PRELID2: variants seen among roughly 807,000 people sequenced by gnomAD.
PRELID2 encodes PRELI domain containing 2.
In PRELID2, 25 loss-of-function variants were observed where a neutral mutation model predicts 28.4. The ratio of observed to expected loss-of-function variants is 0.88; its 90% CI spans 0.64 to 1.23. PRELID2 has a LOEUF of 1.23. Ranked by LOEUF, PRELID2 falls within the 50% of genes most tolerant of loss-of-function variation. The pLI is 0.00. For missense variants in PRELID2, 201 were observed against 214.4 expected (o/e 0.94, Z 0.39); for synonymous variants, 76 against 71.6 (o/e 1.06, Z -0.31).
chr5:145,760,671 C>T (rs1757431415), intron 6 of PRELID2, 146 bp from the exon 7 acceptor site: 1 of 152,180 alleles, frequency 6.6e-6, no homozygotes, highest in Admixed American at 6.5e-5. Flanking sequence ...TTTCTCCCTC[C>T]TAATGATCTT....
At chr5:145,559,012 TG>T (rs1238831560) in intron 1 of PRELID2, among the ~76,000 whole-genome samples, 5 of 152,158 alleles carry the variant, frequency 3.3e-5, no homozygotes, top group African/African-American at 1.2e-4. Context: ...CCCAGCATTT[TG>T]GGAGGCTGAG....
chr5:145,409,574 T>A, the PRELID2 span, among the ~76,000 whole-genome samples: 1 of 152,040 alleles, frequency 6.6e-6, no homozygotes, highest in African/African-American at 2.4e-5. Flanking sequence ...TAGTAGCTAT[T>A]CTTATATCAG....
chr5:145,458,200 G>A, the PRELID2 span, among the ~76,000 whole-genome samples: 1 of 152,120 alleles, frequency 6.6e-6, no homozygotes, highest in African/African-American at 2.4e-5. Context: ...CAGTGATAGG[G>A]TCAAACATTT....
intron 1 of PRELID2, among the ~76,000 whole-genome samples, chr5:145,741,231 A>C (rs1756716463): frequency 8.8e-6 from 1 of 113,314 alleles, no homozygotes; most frequent in Non-Finnish European, 1.6e-5. Flanking sequence ...TATATATAAT[A>C]TATAATATAA....
the PRELID2 span, among the ~76,000 whole-genome samples, chr5:145,321,262 T>G: frequency 6.6e-6 from 1 of 152,168 alleles, no homozygotes. Flanking sequence ...TTTACCAAAG[T>G]TACTAAGGAG....
At chr5:145,795,261 T>C (rs933361718) in intron 5 of PRELID2, 2 of 151,998 alleles carry the variant, frequency 1.3e-5, no homozygotes, top group Non-Finnish European at 2.9e-5. Flanking sequence ...GCAGAAAAAT[T>C]TGCAATAATG....
At chr5:145,665,793 T>C (rs1414758996) in intron 1 of PRELID2, among the ~76,000 whole-genome samples, 2 of 152,082 alleles carry the variant, frequency 1.3e-5, no homozygotes, top group Non-Finnish European at 2.9e-5. Flanking sequence ...ACTTGTGAAA[T>C]TCTATACATC....
At chr5:145,687,452 T>A (rs1018865759) in intron 1 of PRELID2, among the ~76,000 whole-genome samples, 2 of 152,192 alleles carry the variant, frequency 1.3e-5, no homozygotes, top group African/African-American at 4.8e-5. Flanking sequence ...GCCTAGGAAC[T>A]TATTCTTGAA....
intron 1 of PRELID2, among the ~76,000 whole-genome samples, chr5:145,552,175 C>T (rs1752841367): frequency 6.6e-6 from 1 of 152,130 alleles, no homozygotes; most frequent in Admixed American, 6.5e-5. Context: ...ACAACAGCCT[C>T]CGGATCACAC....
At chr5:145,476,592 C>A (rs769343604) in intron 1 of PRELID2, among the ~76,000 whole-genome samples, 3 of 151,928 alleles carry the variant, frequency 2.0e-5, no homozygotes, top group Non-Finnish European at 4.4e-5. Context: ...TTACAGTGAG[C>A]CGAGATTGCG....
the PRELID2 span, among the ~76,000 whole-genome samples, chr5:145,386,679 G>C: frequency 6.6e-6 from 1 of 152,000 alleles, no homozygotes; most frequent in Non-Finnish European, 1.5e-5. Flanking sequence ...GTCTTTTGTT[G>C]GCATTATTTG....
the PRELID2 span, among the ~76,000 whole-genome samples, chr5:145,386,677 T>A: frequency 6.6e-6 from 1 of 152,214 alleles, no homozygotes; most frequent in African/African-American, 2.4e-5. Flanking sequence ...CTGTCTTTTG[T>A]TGGCATTATT....
In PRELID2 at chr5:145,728,783, G is replaced by C. The variant is rs1296163604; in HGVS notation, n.70+36148C>G. 9 of 1,187,048 alleles carry C rather than the reference G, an allele frequency of 7.6e-6. No homozygotes were observed. In the South Asian group the frequency reaches 9.7e-5, roughly 13 times the overall value. 73.5% of individuals were successfully genotyped at this position (1,187,048 alleles called of 1,614,324 possible). A position where few individuals can be genotyped will look rare whatever the true frequency, so the allele number is the denominator to read the frequency against. On this transcript the variant is annotated intron_variant and non_coding_transcript_variant, in intron 1 of 2. Transcript: ENST00000510259. ...CATTTTGTTTTGCACCAATGTAGTA[G>C]GAGTAGAAGTTGTACGTTCCAATCA...
At chr5:145,815,541 C>T (rs1754240993) in intron 4 of PRELID2, among the ~76,000 whole-genome samples, 1 of 152,204 alleles carries the variant, frequency 6.6e-6, no homozygotes, top group Non-Finnish European at 1.5e-5. Context: ...AAAGAAACTC[C>T]GTACCAACTG....
chr5:145,511,870 T>C (rs1157592918), intron 1 of PRELID2, among the ~76,000 whole-genome samples: 2 of 152,262 alleles, frequency 1.3e-5, no homozygotes, highest in East Asian at 1.9e-4. Flanking sequence ...CTAGCCTCCA[T>C]AGTGGAAGCT....
At chr5:145,559,776 C>A (rs1752910907) in intron 1 of PRELID2, among the ~76,000 whole-genome samples, 1 of 148,862 alleles carries the variant, frequency 6.7e-6, no homozygotes, top group Non-Finnish European at 1.5e-5. Flanking sequence ...CAATGTGGAA[C>A]ATTTCTCAAG....
intron 1 of PRELID2, among the ~76,000 whole-genome samples, chr5:145,739,432 G>C (rs1756587851): frequency 1.3e-5 from 2 of 152,158 alleles, no homozygotes; most frequent in South Asian, 4.1e-4. Flanking sequence ...TTGAACCTGG[G>C]AGGTGGAGGT....
the PRELID2 span, among the ~76,000 whole-genome samples, chr5:145,245,654 A>C: frequency 6.2e-4 from 94 of 152,244 alleles, no homozygotes; most frequent in Non-Finnish European, 1.0e-3. Flanking sequence ...GGATGACTGC[A>C]GAAGGCAGGA....
At chr5:145,246,476 T>A in the PRELID2 span, among the ~76,000 whole-genome samples, 1 of 151,962 alleles carries the variant, frequency 6.6e-6, no homozygotes, top group Non-Finnish European at 1.5e-5. Flanking sequence ...GATAAAAGTG[T>A]GGTATATTAA....
Sources: gnomAD v4.1 joint callset for allele counts (sites outside exome capture counted in the v4.1 genomes callset) on GRCh38, gnomAD v4.1.1 for gene constraint, MANE v1.5 for transcripts, NCBI Gene and HGNC (gene_info 2026-07-23, HGNC 2026-07-21) for gene names.